Variants in SEPTIN9 observed in about 807,000 individuals in gnomAD.
SEPTIN9 encodes the protein septin 9.
In SEPTIN9, 13 loss-of-function variants were observed where a neutral mutation model predicts 56.6. The ratio of observed to expected loss-of-function variants is 0.23; its 90% CI spans 0.15 to 0.37. SEPTIN9 has a LOEUF of 0.37. Ranked by LOEUF, SEPTIN9 falls within the 10% of genes least tolerant of loss-of-function variation. The pLI is 1.00. For missense variants in SEPTIN9, 650 were observed against 823.1 expected (o/e 0.79, Z 2.57); for synonymous variants, 332 against 334.1 (o/e 0.99, Z 0.07).
chr17:77,361,109 A>T (rs147091579), intron 2 of SEPTIN9, among the ~76,000 whole-genome samples: 4,167 of 152,008 alleles, frequency 0.027, 80 homozygotes, highest in Non-Finnish European at 0.042. Flanking sequence ...TTTTTAGTAG[A>T]GATGGGGTTT....
At chr17:77,410,279 C>T (rs2036246209) in intron 3 of SEPTIN9, among the ~76,000 whole-genome samples, 1 of 152,158 alleles carries the variant, frequency 6.6e-6, no homozygotes, top group African/African-American at 2.4e-5. Context: ...AGCCCCAGGA[C>T]TCTTAAAGAA....
chr17:77,352,812 C>T (rs1456614763), intron 2 of SEPTIN9, among the ~76,000 whole-genome samples: 9 of 152,158 alleles, frequency 5.9e-5, no homozygotes, highest in African/African-American at 1.7e-4. Flanking sequence ...CACAGGCGCA[C>T]GCCACCATGC....
Position 77,449,192 on chromosome 17 carries a change from G to T in SEPTIN9, c.722-32952G>T, listed in dbSNP as rs1007331627. Among the ~76,000 whole-genome samples the T allele has an allele frequency of 6.6e-6, 1 of 152,144 alleles. No individual in the cohort carries two copies. Among genetic ancestry groups the T allele is most frequent in the African/African-American group, 2.4e-5 (1 of 41,420 alleles). On this transcript the variant is annotated intron_variant, in intron 3 of 11. Coordinates refer to ENST00000427177, the MANE Select transcript of SEPTIN9 (RefSeq NM_001113491.2). The surrounding 1 kb of genome is among the most constrained non-coding windows in gnomAD (Gnocchi z 4.6). ...CCGAGGGCCAGCCGAGAAGGCTCTG[G>T]GGCTGCTCTACCTGAATGCTGAGTG...
In SEPTIN9 at chr17:77,500,067, G is replaced by GACCA; in HGVS notation, c.*1409_*1410insACCA. The GACCA allele has an allele frequency of 4.3e-6, 1 of 234,704 alleles. No homozygotes were observed. Among genetic ancestry groups the GACCA allele is most frequent in the Non-Finnish European group, 8.4e-6 (1 of 119,212 alleles). The allele number at this position is 234,704 out of a possible 1,614,324, so 14.5% of individuals were successfully genotyped here. A position where few individuals can be genotyped will look rare whatever the true frequency, so the allele number is the denominator to read the frequency against. Reference sequence around the variant, plus strand: ...GTCTTGCTCCTGGGGAGAAAGAGGGGCCTGATGAGACTCCACTCAGGTGCA... The same window carrying GACCA: ...GTCTTGCTCCTGGGGAGAAAGAGGGGACCACCTGATGAGACTCCACTCAGGTGCA... On this transcript the variant is annotated 3_prime_UTR_variant, in exon 12 of 12. Coordinates refer to ENST00000427177, the MANE Select transcript of SEPTIN9 (RefSeq NM_001113491.2).
intron 2 of SEPTIN9, among the ~76,000 whole-genome samples, chr17:77,333,806 A>AT (rs201715028): frequency 0.058 from 8,657 of 150,106 alleles, 317 homozygotes; most frequent in Middle Eastern, 0.087. Flanking sequence ...TCCAAACTTC[A>AT]TTTTTTTTTA....
At chr17:77,401,607 A>G (rs371122483) in intron 2 of SEPTIN9, among the ~76,000 whole-genome samples, 11 of 152,052 alleles carry the variant, frequency 7.2e-5, no homozygotes, top group South Asian at 4.2e-4. Context: ...TTAGCCAGGC[A>G]TGGTGGCCCG....
chr17:77,454,191 G>C (rs2038094536), intron 3 of SEPTIN9: 1 of 985,432 alleles, frequency 1.0e-6, no homozygotes, highest in Non-Finnish European at 1.2e-6. Context: ...CTGGGCTTTG[G>C]GAAGACCTGG....
rs1282697858 is a variant in SEPTIN9, at chr17:77,310,976, A to G, written c.76+3779A>G. On this transcript the variant is annotated intron_variant, in intron 2 of 11. Transcript: ENST00000427177. This position sits in a 1 kb window ranked among gnomAD's most constrained non-coding sequence, Gnocchi z 4.7. ...GTTGAACCGTGTCCCCCACAAACTC[A>G]TGTCCACCAAAAACCTCAGAATGTG... is the stretch of plus-strand genomic sequence containing the variant. Among the ~76,000 whole-genome samples the G allele has an allele frequency of 1.3e-5, 2 of 152,030 alleles. No homozygotes were observed. The highest frequency in any genetic ancestry group is 2.9e-5 in the Non-Finnish European group (2 of 68,004).
chr17:77,386,617 T>C (rs1024394756), intron 2 of SEPTIN9, among the ~76,000 whole-genome samples: 4 of 152,158 alleles, frequency 2.6e-5, no homozygotes, highest in African/African-American at 9.7e-5. Flanking sequence ...CCAGCAGAAT[T>C]GAGGGGCCCT....
At chr17:77,350,319 C>G (rs371952779) in intron 2 of SEPTIN9, among the ~76,000 whole-genome samples, 7 of 152,336 alleles carry the variant, frequency 4.6e-5, no homozygotes, top group African/African-American at 1.4e-4. Flanking sequence ...AGAAAGGAGC[C>G]CCCAAAGGCA....
chr17:77,291,049 T>A (rs543024254), intron 1 of SEPTIN9, among the ~76,000 whole-genome samples: 2 of 139,964 alleles, frequency 1.4e-5, no homozygotes, highest in Admixed American at 1.4e-4. Context: ...TTTTTTTTTT[T>A]TTTTGAGACA....
chr17:77,419,536 C>T lies in SEPTIN9; in HGVS notation c.721+16833C>T, dbSNP rs56991035. On this transcript the variant is annotated intron_variant, in intron 3 of 11. Coordinates refer to ENST00000427177, the MANE Select transcript of SEPTIN9 (RefSeq NM_001113491.2). ...GTACCTGCGACCCAGCTGACCCCTC[C>T]CCCTTCCCCAGGGCTGGCTGGGAAT... Among the ~76,000 whole-genome samples, 478 of 152,306 alleles carry T rather than the reference C, an allele frequency of 3.1e-3. 1 individual carries two copies. The highest frequency in any genetic ancestry group is 0.011 in the African/African-American group (441 of 41,560).
intron 8 of SEPTIN9, among the ~76,000 whole-genome samples, chr17:77,491,920 G>T (rs2040048293): frequency 6.6e-6 from 1 of 151,932 alleles, no homozygotes; most frequent in Non-Finnish European, 1.5e-5. Context: ...CAAGAGGGCA[G>T]CCCTGGGCTC....
intron 4 of SEPTIN9, among the ~76,000 whole-genome samples, chr17:77,485,032 GA>G (rs2039679840): frequency 9.1e-6 from 1 of 109,998 alleles, no homozygotes; most frequent in Non-Finnish European, 2.0e-5. Flanking sequence ...TGATGGTGGT[GA>G]AGGGGGTGAT....
intron 10 of SEPTIN9, chr17:77,497,090 A>T: frequency 1.6e-6 from 1 of 623,020 alleles, no homozygotes; most frequent in Non-Finnish European, 2.9e-6. Flanking sequence ...TGAGCTGTCC[A>T]GGAGCAGGAG....
At position 77,476,819 on chromosome 17, in the gene SEPTIN9, A is replaced by G. The variant is rs1241977141; in HGVS notation, c.722-5325A>G. 6.6e-6 allele frequency among the ~76,000 whole-genome samples: 1 copy of G among 152,216 alleles called. No homozygotes were observed. ...AGTTTGTCTGGGGCATGGTCTGGCG[A>G]CACCAACTTGAGAACCTCAGGCCTA... On this transcript the variant is annotated intron_variant, in intron 3 of 11. Transcript: ENST00000427177. The surrounding 1 kb of genome is among the most constrained non-coding windows in gnomAD (Gnocchi z 6.0).
rs148288824 is a variant in SEPTIN9, at chr17:77,487,065, C to T, written c.914-359C>T. 4.6e-5 allele frequency among the ~76,000 whole-genome samples: 7 copies of T among 152,298 alleles called. No individual in the cohort carries two copies. In the East Asian group the frequency reaches 1.2e-3, roughly 25 times the overall value. The stretch of plus-strand genomic sequence containing the variant: ...CACCCTGGGCAGCCCTGGGCTCCTC[C>T]GCCAGCCCGGCCTCTGTCCTGTCCA... On this transcript the variant is annotated intron_variant, in intron 4 of 11. Transcript: ENST00000427177. This position sits in a 1 kb window ranked among gnomAD's most constrained non-coding sequence, Gnocchi z 4.3.
rs185042987 is a variant in SEPTIN9, at chr17:77,290,988, C to T, written c.19+9434C>T. 9.3e-5 allele frequency among the ~76,000 whole-genome samples: 14 copies of T among 150,164 alleles called. No individual in the cohort carries two copies. The East Asian group carries it at 2.6e-3, about 28-fold the overall frequency. On this transcript the variant is annotated intron_variant, in intron 1 of 11. Coordinates refer to ENST00000427177, the MANE Select transcript of SEPTIN9 (RefSeq NM_001113491.2). ...TCAATTGGTCCTCCCTTCTCAGCCT[C>T]CTGAGTAGCTGGGACTACAGGTGTG... is the stretch of plus-strand genomic sequence containing the variant.
intron 2 of SEPTIN9, among the ~76,000 whole-genome samples, chr17:77,385,927 C>T (rs1403860043): frequency 2.0e-5 from 3 of 152,180 alleles, no homozygotes; most frequent in South Asian, 2.1e-4. Context: ...AGCTAGTGTG[C>T]GGAGCTGGGA....
Sources: allele counts gnomAD v4.1 joint callset (sites outside exome capture counted in the v4.1 genomes callset), GRCh38; gene constraint gnomAD v4.1.1; non-coding constraint Gnocchi (gnomAD v3.1); transcripts MANE v1.5; gene names NCBI Gene and HGNC (gene_info 2026-07-23, HGNC 2026-07-21).